NAV2: variants seen among roughly 807,000 people sequenced by gnomAD.
NAV2 encodes the protein helicase, APC down-regulated 1.
A neutral mutation model predicts 223.2 loss-of-function variants in NAV2; 54 were observed. The observed-to-expected ratio is 0.24, with a 90% CI of 0.19 to 0.30. The LOEUF is 0.30. Among genes scored for constraint, NAV2 ranks in the 10% least tolerant of loss-of-function variants. NAV2 has a pLI of 1.00. For missense variants in NAV2, 2,806 were observed against 3,147.5 expected, an observed-to-expected ratio of 0.89 and a Z score of 2.60; for synonymous variants, 1,279 against 1,239.3, an observed-to-expected ratio of 1.03 and a Z score of -0.67.
chr11:19,713,548 C>T lies in NAV2; in HGVS notation c.-148C>T. On this transcript the variant is annotated 5_prime_UTR_variant, in exon 1 of 38. Transcript: ENST00000349880. This position sits in a 1 kb window ranked among gnomAD's most constrained non-coding sequence, Gnocchi z 7.2. ...GCTCGCCCGATTGCTTCGAGTTCCC[C>T]GACCTGGGGATTTTTTTTTTAGCCG... 3 of 1,405,978 alleles carry T rather than the reference C, an allele frequency of 2.1e-6. No homozygotes were observed. Among genetic ancestry groups the T allele is most frequent in the Middle Eastern group, 2.6e-4 (1 of 3,778 alleles). The allele number at this position is 1,405,978 out of a possible 1,614,324, so 87.1% of individuals were successfully genotyped here.
intron 1 of NAV2, among the ~76,000 whole-genome samples, chr11:19,724,699 C>T (rs1176688493): frequency 2.6e-5 from 4 of 152,228 alleles, no homozygotes; most frequent in Non-Finnish European, 5.9e-5. Flanking sequence ...GGGGGCATTT[C>T]ATCCCCATTC....
intron 1 of NAV2, among the ~76,000 whole-genome samples, chr11:19,635,129 A>G (rs2047455654): frequency 6.6e-6 from 1 of 152,114 alleles, no homozygotes; most frequent in Non-Finnish European, 1.5e-5. Context: ...TGTCCCCAGG[A>G]GGAAACGGAA....
chr11:19,831,140 G>A (rs2059905440), intron 1 of NAV2, among the ~76,000 whole-genome samples: 1 of 148,246 alleles, frequency 6.7e-6, no homozygotes, highest in Non-Finnish European at 1.5e-5. Context: ...TCCCCAGGTG[G>A]AGTAGCCAGA....
rs11025350 is a variant in NAV2, at chr11:19,977,113, C to T, written c.2646-7012C>T. 5.6e-3 allele frequency among the ~76,000 whole-genome samples: 859 copies of T among 152,282 alleles called. 53 individuals carry two copies. In the East Asian group the frequency reaches 0.14, roughly 25 times the overall value. On this transcript the variant is annotated intron_variant, in intron 10 of 37. Transcript: ENST00000349880. ...GGTTGGATTCTCTAAGTCACATTTC[C>T]CACTGGCCTCTGTCAGCGGTTGTTG...
At chr11:19,667,304 T>C (rs2048441710) in intron 1 of NAV2, among the ~76,000 whole-genome samples, 1 of 152,208 alleles carries the variant, frequency 6.6e-6, no homozygotes, top group Admixed American at 6.5e-5. Context: ...GAAAACTCAG[T>C]AAGGCATGGT....
At chr11:19,358,393 C>T (rs530678507) in intron 1 of NAV2, among the ~76,000 whole-genome samples, 3 of 152,140 alleles carry the variant, frequency 2.0e-5, no homozygotes, top group African/African-American at 7.2e-5. Flanking sequence ...AATTGGAGGT[C>T]ATTTGGGGAA....
At chr11:19,706,645 G>A (rs2049672156) in intron 1 of NAV2, among the ~76,000 whole-genome samples, 1 of 152,178 alleles carries the variant, frequency 6.6e-6, no homozygotes, top group Non-Finnish European at 1.5e-5. Context: ...TGAGAGCCGA[G>A]AGCAATAACT....
At chr11:19,939,001 G>A (rs780658070) in intron 7 of NAV2, among the ~76,000 whole-genome samples, 2 of 152,224 alleles carry the variant, frequency 1.3e-5, no homozygotes, top group Non-Finnish European at 2.9e-5. Flanking sequence ...AGAGGTAGCT[G>A]TGACAAGAAA....
intron 1 of NAV2, among the ~76,000 whole-genome samples, chr11:19,452,107 AGTGTGTGTGTGTGTGTGTGT>A (rs60628637): frequency 2.2e-4 from 32 of 146,764 alleles, no homozygotes; most frequent in African/African-American, 6.6e-4. Flanking sequence ...AGGTTACAAA[AGTGTGTGTGTGTGTGTGTGT>A]GTGTGTGTGT....
intron 11 of NAV2, among the ~76,000 whole-genome samples, chr11:20,030,645 T>G (rs1310332228): frequency 2.0e-5 from 3 of 152,262 alleles, no homozygotes; most frequent in Non-Finnish European, 4.4e-5. Flanking sequence ...GCTCTTCAGA[T>G]GTCTGACAGG....
chr11:19,999,205 C>T (rs185182425), intron 11 of NAV2, among the ~76,000 whole-genome samples: 7 of 152,316 alleles, frequency 4.6e-5, no homozygotes, highest in Non-Finnish European at 8.8e-5. Flanking sequence ...TAAATCAACC[C>T]TGCTGTTGTG....
chr11:20,088,029 C>A (rs1465588522), intron 26 of NAV2, among the ~76,000 whole-genome samples: 3 of 152,080 alleles, frequency 2.0e-5, no homozygotes, highest in Non-Finnish European at 4.4e-5. Flanking sequence ...GAGGAGCCAG[C>A]AGCCAAGCAG....
intron 7 of NAV2, 119 bp downstream of exon 7, chr11:19,934,396 C>A: frequency 8.3e-7 from 1 of 1,205,776 alleles, no homozygotes; most frequent in Non-Finnish European, 1.1e-6. Flanking sequence ...AAGTCAGTAG[C>A]TAAGAAACCA....
At chr11:19,600,535 T>C (rs992812146) in intron 1 of NAV2, among the ~76,000 whole-genome samples, 4 of 152,208 alleles carry the variant, frequency 2.6e-5, no homozygotes, top group African/African-American at 9.6e-5. Flanking sequence ...GCTGCTGTCA[T>C]CATCTACAGT....
intron 4 of NAV2, among the ~76,000 whole-genome samples, chr11:19,874,292 T>C (rs917921756): frequency 1.3e-5 from 2 of 152,174 alleles, no homozygotes; most frequent in African/African-American, 4.8e-5. Flanking sequence ...AATTGGAATA[T>C]GAGAATATGG....
rs1555114909 is a variant in NAV2 at position 19,877,470 on chromosome 11, C to CTTTTTTTTTTTTTTCTTTTTTCTTTTCTT, written c.512-2385_512-2384insCTTTTTTCTTTTCTTTTTTTTTTTTTTTT. On this transcript the variant is annotated intron_variant, in intron 4 of 37. Transcript: ENST00000349880. ...AGACCTTGCTTGGCTTATCTTCATT[C>CTTTTTTTTTTTTTTCTTTTTTCTTTTCTT]TTTTTTTTTTTTTTTTTTTTGAGAC... Among the ~76,000 whole-genome samples, 123 of 82,566 alleles carry CTTTTTTTTTTTTTTCTTTTTTCTTTTCTT rather than the reference C, an allele frequency of 1.5e-3. 11 individuals carry two copies. Among genetic ancestry groups the CTTTTTTTTTTTTTTCTTTTTTCTTTTCTT allele is most frequent in the South Asian group, 4.0e-3 (10 of 2,484 alleles). 54.2% of individuals were successfully genotyped at this position (82,566 alleles called of 152,430 possible).
At chr11:19,882,932 A>G (rs1171163367) in intron 5 of NAV2, among the ~76,000 whole-genome samples, 1 of 152,170 alleles carries the variant, frequency 6.6e-6, no homozygotes, top group Non-Finnish European at 1.5e-5. Flanking sequence ...CCAAAGGATA[A>G]TCTTGTTCTC....
intron 3 of NAV2, among the ~76,000 whole-genome samples, chr11:19,853,855 T>C (rs956686689): frequency 6.6e-6 from 1 of 151,800 alleles, no homozygotes; most frequent in Non-Finnish European, 1.5e-5. Context: ...TTGAGGACAG[T>C]AGTGGCATCT....
intron 25 of NAV2, 35 bp from the exon 26 acceptor site, chr11:20,082,972 C>A (rs749121998): frequency 6.3e-7 from 1 of 1,583,348 alleles, no homozygotes; most frequent in Non-Finnish European, 8.6e-7. Flanking sequence ...GCATTGGTTG[C>A]CCCCGCTGTG....
Sources: allele counts gnomAD v4.1 joint callset (sites outside exome capture counted in the v4.1 genomes callset), GRCh38; gene constraint gnomAD v4.1.1; non-coding constraint Gnocchi (gnomAD v3.1); transcripts MANE v1.5; gene names NCBI Gene and HGNC (gene_info 2026-07-23, HGNC 2026-07-21).